RGS6: variants seen among roughly 807,000 people sequenced by gnomAD.
RGS6 encodes regulator of G-protein signaling 6.
A neutral mutation model predicts 78.5 loss-of-function variants in RGS6; 30 were observed. The observed-to-expected ratio is 0.38, with a 90% CI of 0.29 to 0.52. The LOEUF is 0.52. RGS6 is among the 20% of genes least tolerant of loss of function. The pLI, the probability that RGS6 is intolerant of heterozygous loss-of-function variation, is 0.85. For synonymous variants in RGS6, 206 were observed against 206.0 expected (o/e 1.00, Z 0.00); for missense variants, 495 against 609.7 (o/e 0.81, Z 1.98).
chr14:72,174,182 A>T (rs547936032), intron 2 of RGS6, among the ~76,000 whole-genome samples: 1 of 152,318 alleles, frequency 6.6e-6, no homozygotes, highest in South Asian at 2.1e-4. Context: ...ATCTCAGCTC[A>T]CTGCGACCTC....
downstream of RGS6, among the ~76,000 whole-genome samples, chr14:72,570,972 A>C (rs745313344): frequency 5.3e-5 from 8 of 152,150 alleles, no homozygotes; most frequent in Non-Finnish European, 1.0e-4. Flanking sequence ...TTTCATTGCT[A>C]TCTGGTATGA....
At chr14:72,361,118 C>T (rs1429475685) in intron 3 of RGS6, among the ~76,000 whole-genome samples, 1 of 143,208 alleles carries the variant, frequency 7.0e-6, no homozygotes, top group Non-Finnish European at 1.5e-5. Context: ...ATTACCCAGT[C>T]TTGGGTATAT....
At chr14:72,307,017 A>G (rs1414366506) in intron 2 of RGS6, among the ~76,000 whole-genome samples, 1 of 152,208 alleles carries the variant, frequency 6.6e-6, no homozygotes, top group East Asian at 1.9e-4. Flanking sequence ...TGTAGCAAAC[A>G]TCATTGTGGT....
At chr14:72,576,302 G>A in the RGS6 span, among the ~76,000 whole-genome samples, 287 of 152,208 alleles carry the variant, frequency 1.9e-3, 2 homozygotes, top group African/African-American at 6.0e-3. Flanking sequence ...GGAGTTCCCA[G>A]CAACAAAACA....
At chr14:71,962,719 G>A (rs1338122548) in intron 1 of RGS6, among the ~76,000 whole-genome samples, 1 of 152,138 alleles carries the variant, frequency 6.6e-6, no homozygotes, top group Non-Finnish European at 1.5e-5. Context: ...AAAAAACATT[G>A]TAATTTATAA....
chr14:72,238,152 T>C (rs2051663844), intron 2 of RGS6, among the ~76,000 whole-genome samples: 1 of 152,168 alleles, frequency 6.6e-6, no homozygotes, highest in South Asian at 2.1e-4. Context: ...TTCTCCAAAG[T>C]TGTTCTCTTT....
At chr14:72,240,678 G>A (rs1393195937) in intron 2 of RGS6, among the ~76,000 whole-genome samples, 3 of 152,148 alleles carry the variant, frequency 2.0e-5, no homozygotes, top group African/African-American at 7.2e-5. Context: ...AATATAAGAA[G>A]AGTTTGGGGT....
At chr14:72,201,553 A>C (rs1294298770) in intron 2 of RGS6, among the ~76,000 whole-genome samples, 3 of 152,212 alleles carry the variant, frequency 2.0e-5, no homozygotes, top group African/African-American at 7.2e-5. Context: ...ACAGTACTCT[A>C]AGTTAATCTA....
At chr14:72,156,088 A>G (rs1359535205) in intron 2 of RGS6, among the ~76,000 whole-genome samples, 3 of 152,206 alleles carry the variant, frequency 2.0e-5, no homozygotes, top group East Asian at 3.8e-4. Flanking sequence ...AGTAATTCCA[A>G]TGAGCAGGTG....
At chr14:72,598,732 C>T in the RGS6 span, among the ~76,000 whole-genome samples, 4 of 152,218 alleles carry the variant, frequency 2.6e-5, no homozygotes, top group African/African-American at 9.6e-5. Context: ...ATCTGTGGTC[C>T]AGGGTTCTCT....
At chr14:72,126,597 T>G (rs951240930) in intron 2 of RGS6, among the ~76,000 whole-genome samples, 2 of 152,246 alleles carry the variant, frequency 1.3e-5, no homozygotes. Context: ...ACTGAATTCC[T>G]TAAGGCCTTT....
At chr14:72,552,067 T>A (rs573225660) in intron 17 of RGS6, among the ~76,000 whole-genome samples, 1 of 152,358 alleles carries the variant, frequency 6.6e-6, no homozygotes, top group Non-Finnish European at 1.5e-5. Context: ...CTTATTTAAT[T>A]TCCAACAATA....
chr14:72,174,477 G>T (rs1036444777), intron 2 of RGS6, among the ~76,000 whole-genome samples: 2 of 152,194 alleles, frequency 1.3e-5, no homozygotes, highest in African/African-American at 4.8e-5. Context: ...GGAGCTCAAA[G>T]ATGTTTTAGG....
rs80291845 is a variant in RGS6, at chr14:72,417,774, G to A, written c.185-36754G>A. Among the ~76,000 whole-genome samples the A allele has an allele frequency of 5.3e-5, 8 of 152,286 alleles. No individual in the cohort carries two copies. The East Asian group carries it at 1.2e-3, about 22-fold the overall frequency. On this transcript the variant is annotated intron_variant, in intron 3 of 17. Transcript: ENST00000553525. Reference sequence around the variant, plus strand: ...AGTTCATCTGTGCAAACATTTAGACGAAGTGCTTGACATAATCAGAGCTAT... The same window carrying A: ...AGTTCATCTGTGCAAACATTTAGACAAAGTGCTTGACATAATCAGAGCTAT...
At chr14:72,001,471 A>AACACACACACACAC (rs3053057) in intron 2 of RGS6, among the ~76,000 whole-genome samples, 1 of 146,030 alleles carries the variant, frequency 6.8e-6, no homozygotes, top group African/African-American at 2.5e-5. Flanking sequence ...ATAAAAACAG[A>AACACACACACACAC]ACACACACAC....
intron 3 of RGS6, among the ~76,000 whole-genome samples, chr14:72,413,916 TAG>T (rs1464035030): frequency 1.3e-5 from 2 of 152,252 alleles, no homozygotes; most frequent in Non-Finnish European, 2.9e-5. Flanking sequence ...TTCTGGCTTG[TAG>T]AGTTTCTGCT....
At chr14:72,084,278 C>T (rs1410561105) in intron 2 of RGS6, among the ~76,000 whole-genome samples, 1 of 152,138 alleles carries the variant, frequency 6.6e-6, no homozygotes, top group Non-Finnish European at 1.5e-5. Flanking sequence ...ATCCAATGCC[C>T]CCACTGATCT....
chr14:71,985,823 A>G (rs1044862698), intron 2 of RGS6, among the ~76,000 whole-genome samples: 13 of 152,190 alleles, frequency 8.5e-5, no homozygotes, highest in Non-Finnish European at 1.6e-4. Context: ...GACATTTGCT[A>G]TTTTATTCTC....
At chr14:72,512,118 A>C in intron 14 of RGS6, among the ~76,000 whole-genome samples, 1 of 151,508 alleles carries the variant, frequency 6.6e-6, no homozygotes, top group African/African-American at 2.4e-5. Context: ...TTCCCTTCTT[A>C]CCTGTTCCCC....
Sources: gnomAD v4.1 joint callset for allele counts (sites outside exome capture counted in the v4.1 genomes callset) on GRCh38, gnomAD v4.1.1 for gene constraint, MANE v1.5 for transcripts, NCBI Gene and HGNC (gene_info 2026-07-23, HGNC 2026-07-21) for gene names.